STPG2: variants seen among roughly 807,000 people sequenced by gnomAD.
The protein encoded by STPG2 is sperm-tail PG-rich repeat-containing protein 2.
In STPG2, 56 loss-of-function variants were observed where a neutral mutation model predicts 54.2. The observed-to-expected ratio is 1.03, with a 90% CI of 0.83 to 1.29. The LOEUF is 1.29. STPG2 is among the 50% of genes most tolerant of loss of function. STPG2 has a pLI of 0.00. For synonymous variants in STPG2, 200 were observed against 181.8 expected, an observed-to-expected ratio of 1.10 and a Z score of -0.81; for missense variants, 596 against 544.9, an observed-to-expected ratio of 1.09 and a Z score of -0.93.
At position 97,597,544 on chromosome 4, in the gene STPG2, T is replaced by C. The variant is rs144439745; in HGVS notation, c.1321-38427A>G. On this transcript the variant is annotated intron_variant, in intron 10 of 10. Transcript: ENST00000295268. ...AAAAAGCTAATCCACCAAGATTAAG[T>C]AGACTTTTTCCCTGGGATGCAAGGT... 9.3e-4 allele frequency among the ~76,000 whole-genome samples: 142 copies of C among 151,996 alleles called. 1 individual carries two copies. Among genetic ancestry groups the C allele is most frequent in the East Asian group, 2.5e-3 (13 of 5,166 alleles).
intron 8 of STPG2, among the ~76,000 whole-genome samples, chr4:97,918,907 C>G (rs1221959162): frequency 6.6e-6 from 1 of 152,074 alleles, no homozygotes; most frequent in African/African-American, 2.4e-5. Flanking sequence ...TCAGAAATCA[C>G]CATTAAATAG....
chr4:97,945,973 C>A (rs1733200550), intron 7 of STPG2, among the ~76,000 whole-genome samples: 1 of 151,968 alleles, frequency 6.6e-6, no homozygotes. Flanking sequence ...GTAAGAGGAT[C>A]CCTGGAGCCT....
intron 8 of STPG2, among the ~76,000 whole-genome samples, chr4:97,906,414 C>A (rs1327966315): frequency 1.3e-5 from 2 of 152,186 alleles, no homozygotes; most frequent in Non-Finnish European, 2.9e-5. Context: ...CAGATGGATT[C>A]ACAGCCGAAT....
At chr4:98,018,177 C>A (rs1736032673) in intron 5 of STPG2, among the ~76,000 whole-genome samples, 1 of 152,162 alleles carries the variant, frequency 6.6e-6, no homozygotes, top group Admixed American at 6.5e-5. Flanking sequence ...CCATCCCCAC[C>A]CCACAACAGT....
rs186347415 is a variant in STPG2 at position 97,517,601 on chromosome 4, C to G, written c.462+195098G>C. Among the ~76,000 whole-genome samples, 500 of 108,378 alleles carry G rather than the reference C, an allele frequency of 4.6e-3. 3 individuals carry two copies. The highest frequency in any genetic ancestry group is 0.015 in the African/African-American group (477 of 32,562). 71.1% of individuals were successfully genotyped at this position (108,378 alleles called of 152,430 possible). A position where few individuals can be genotyped will look rare whatever the true frequency, so the allele number is the denominator to read the frequency against. Reference sequence around the variant, plus strand: ...TTTAAACTTTGTATGTTCTTAGTGTCAATTTTTTTCAGTTTTTAAAACCAA... The same window carrying G: ...TTTAAACTTTGTATGTTCTTAGTGTGAATTTTTTTCAGTTTTTAAAACCAA... On this transcript the variant is annotated intron_variant, in intron 4 of 4. Coordinates refer to the STPG2 transcript ENST00000522676.
At chr4:97,554,178 C>A (rs76117873), downstream of STPG2, among the ~76,000 whole-genome samples, 1,683 of 152,218 alleles carry the variant, frequency 0.011, 28 homozygotes, top group African/African-American at 0.039. Flanking sequence ...GCAACTTCTT[C>A]CTCCTCAAAA....
chr4:97,797,612 G>C (rs1727240076), intron 9 of STPG2, among the ~76,000 whole-genome samples: 1 of 152,122 alleles, frequency 6.6e-6, no homozygotes, highest in Non-Finnish European at 1.5e-5. Context: ...CATGATTTTT[G>C]CATTGATGTT....
At chr4:97,711,231 T>C (rs1382401252) in intron 10 of STPG2, among the ~76,000 whole-genome samples, 1 of 152,066 alleles carries the variant, frequency 6.6e-6, no homozygotes, top group Non-Finnish European at 1.5e-5. Context: ...TGATTTAATA[T>C]CATCAAACTA....
In STPG2 at chr4:97,797,534, A is replaced by C. The variant is rs557041040; in HGVS notation, c.1204+43239T>G. On this transcript the variant is annotated intron_variant, in intron 9 of 10. Transcript: ENST00000295268. ...GAACCAGACTTGCATCCCAGGGATGAAGCCCACTTGATCACAGTGGATAAA... is the reference window on the plus strand; with the variant it reads ...GAACCAGACTTGCATCCCAGGGATGCAGCCCACTTGATCACAGTGGATAAA... 2.6e-5 allele frequency among the ~76,000 whole-genome samples: 4 copies of C among 152,344 alleles called. No individual in the cohort carries two copies. The South Asian group carries it at 8.3e-4, about 32-fold the overall frequency.
intron 10 of STPG2, among the ~76,000 whole-genome samples, chr4:97,680,754 G>A (rs940378601): frequency 2.6e-5 from 4 of 151,814 alleles, no homozygotes; most frequent in African/African-American, 9.7e-5. Context: ...GAATAGCCAG[G>A]TGGACCCCCT....
chr4:98,061,801 T>A (rs1213452860), intron 5 of STPG2, among the ~76,000 whole-genome samples: 4 of 151,980 alleles, frequency 2.6e-5, no homozygotes, highest in Admixed American at 2.6e-4. Flanking sequence ...AAATAACAGA[T>A]GTTGGTGAGG....
At chr4:97,889,488 T>C (rs915950252) in intron 8 of STPG2, among the ~76,000 whole-genome samples, 1 of 152,098 alleles carries the variant, frequency 6.6e-6, no homozygotes, top group Non-Finnish European at 1.5e-5. Flanking sequence ...TATTCAGCCA[T>C]AAAAAGTAAA....
intron 10 of STPG2, among the ~76,000 whole-genome samples, chr4:97,675,888 G>GGT (rs1722822491): frequency 6.9e-6 from 1 of 145,064 alleles, no homozygotes; most frequent in Non-Finnish European, 1.5e-5. Flanking sequence ...ATACAGTATA[G>GGT]GTATATATAC....
intron 4 of STPG2, among the ~76,000 whole-genome samples, chr4:97,546,920 T>C (rs540260800): frequency 6.6e-6 from 1 of 152,254 alleles, no homozygotes; most frequent in East Asian, 1.9e-4. Flanking sequence ...AGCATATGAG[T>C]ATATGATGCA....
chr4:98,140,288 G>A (rs1740245101), intron 1 of STPG2, among the ~76,000 whole-genome samples: 1 of 152,132 alleles, frequency 6.6e-6, no homozygotes, highest in Admixed American at 6.5e-5. Context: ...TCAGGGCCCA[G>A]AACATGAAGA....
At chr4:97,970,310 T>G (rs1734279106) in intron 7 of STPG2, among the ~76,000 whole-genome samples, 1 of 152,174 alleles carries the variant, frequency 6.6e-6, no homozygotes, top group Non-Finnish European at 1.5e-5. Context: ...AAAAAACTAT[T>G]TTAAAGCTCA....
chr4:97,944,157 T>C (rs1403739899), intron 7 of STPG2, 150 bp from the exon 8 acceptor site: 3 of 577,302 alleles, frequency 5.2e-6, no homozygotes, highest in Non-Finnish European at 9.0e-6. Context: ...TTTCAAAATA[T>C]GACACAGAAA....
intron 10 of STPG2, among the ~76,000 whole-genome samples, chr4:97,627,861 G>A (rs113721324): frequency 1.7e-5 from 2 of 120,004 alleles, no homozygotes; most frequent in East Asian, 2.1e-4. Context: ...TCTGAGAAAC[G>A]GGGCTGATGG....
At chr4:97,765,181 G>A (rs888193632) in intron 9 of STPG2, among the ~76,000 whole-genome samples, 1 of 151,988 alleles carries the variant, frequency 6.6e-6, no homozygotes. Context: ...TTAAAATCTT[G>A]GACTGAATAA....
Sources: gnomAD v4.1 joint callset for allele counts (sites outside exome capture counted in the v4.1 genomes callset) on GRCh38, gnomAD v4.1.1 for gene constraint, MANE v1.5 for transcripts, NCBI Gene and HGNC (gene_info 2026-07-23, HGNC 2026-07-21) for gene names.